The following NBAS variants were observed in gnomAD, a reference collection of about 807,000 sequenced individuals.
NBAS encodes NBAS subunit of NRZ tethering complex.
Under a neutral mutation model 302.5 loss-of-function variants are expected in NBAS, and 219 were observed. That is an observed-to-expected ratio of 0.72 (90% CI 0.65 to 0.81). NBAS has a LOEUF of 0.81. NBAS is among the 30% of genes least tolerant of loss of function. The pLI is 0.00. For synonymous variants in NBAS, 1,118 were observed against 1,021.6 expected (o/e 1.09, Z -1.80); for missense variants, 2,932 against 2,841.6 (o/e 1.03, Z -0.72).
intron 40 of NBAS, among the ~76,000 whole-genome samples, chr2:15,305,685 G>A (rs1356267910): frequency 6.6e-6 from 1 of 152,088 alleles, no homozygotes; most frequent in Non-Finnish European, 1.5e-5. Context: ...GACCTCAAGT[G>A]ATCCACCTGC....
the NBAS span, among the ~76,000 whole-genome samples, chr2:14,852,605 C>A: frequency 7.8e-6 from 1 of 127,390 alleles, no homozygotes; most frequent in East Asian, 2.1e-4. Flanking sequence ...AAAGAGCCCG[C>A]ACCGCCAAGT....
the NBAS span, among the ~76,000 whole-genome samples, chr2:15,135,026 G>C: frequency 6.6e-6 from 1 of 152,112 alleles, no homozygotes; most frequent in Admixed American, 6.5e-5. Flanking sequence ...CCTGAAAAAA[G>C]AAATTTCTTT....
intron 45 of NBAS, among the ~76,000 whole-genome samples, chr2:15,235,983 G>A (rs915665129): frequency 6.6e-6 from 1 of 152,094 alleles, no homozygotes; most frequent in African/African-American, 2.4e-5. Context: ...TTTTTGTACT[G>A]GGTATATAAT....
chr2:14,823,030 C>T, the NBAS span, among the ~76,000 whole-genome samples: 6 of 152,170 alleles, frequency 3.9e-5, no homozygotes, highest in African/African-American at 1.2e-4. Flanking sequence ...TCAACTGTCA[C>T]ATATAGTGTT....
chr2:14,788,546 A>T, the NBAS span, among the ~76,000 whole-genome samples: 1 of 151,992 alleles, frequency 6.6e-6, no homozygotes, highest in African/African-American at 2.4e-5. Context: ...AACAGACAGG[A>T]CCCTCAGCTG....
At chr2:14,854,075 A>T in the NBAS span, among the ~76,000 whole-genome samples, 4 of 148,130 alleles carry the variant, frequency 2.7e-5, no homozygotes, top group Non-Finnish European at 6.0e-5. Flanking sequence ...AGTATAATAA[A>T]AAATAATAAT....
the NBAS span, among the ~76,000 whole-genome samples, chr2:14,802,963 G>A: frequency 6.1e-5 from 9 of 147,768 alleles, no homozygotes; most frequent in African/African-American, 1.8e-4. Flanking sequence ...TGGGTGCAGC[G>A]CACCAGCATG....
At chr2:15,479,183 T>G (rs1680318031) in intron 12 of NBAS, among the ~76,000 whole-genome samples, 1 of 152,038 alleles carries the variant, frequency 6.6e-6, no homozygotes, top group South Asian at 2.1e-4. Context: ...GAGCAGACCC[T>G]GAGAACAGAA....
At chr2:15,543,219 C>G (rs1309067902) in intron 6 of NBAS, among the ~76,000 whole-genome samples, 4 of 152,180 alleles carry the variant, frequency 2.6e-5, no homozygotes, top group African/African-American at 9.7e-5. Context: ...CAAATCTGCC[C>G]GGTTGCCAAG....
chr2:15,476,777 A>G (rs1680212220), intron 13 of NBAS, among the ~76,000 whole-genome samples: 1 of 152,192 alleles, frequency 6.6e-6, no homozygotes, highest in Non-Finnish European at 1.5e-5. Context: ...TCAAAAGGCA[A>G]TGCCATATTT....
chr2:14,790,261 C>T, the NBAS span, among the ~76,000 whole-genome samples: 1 of 152,146 alleles, frequency 6.6e-6, no homozygotes, highest in Non-Finnish European at 1.5e-5. Flanking sequence ...TCTCATTTTC[C>T]ACACTGGTAA....
At chr2:15,137,964 T>C in the NBAS span, among the ~76,000 whole-genome samples, 1 of 152,022 alleles carries the variant, frequency 6.6e-6, no homozygotes, top group African/African-American at 2.4e-5. Context: ...CTTCTACTCA[T>C]CAAGAGCCCG....
At chr2:14,845,358 G>A in the NBAS span, among the ~76,000 whole-genome samples, 4 of 152,220 alleles carry the variant, frequency 2.6e-5, no homozygotes, top group African/African-American at 9.7e-5. Context: ...GGATTGAGAT[G>A]CCTCCTAATA....
the NBAS span, among the ~76,000 whole-genome samples, chr2:14,826,483 T>TA: frequency 6.6e-6 from 1 of 152,194 alleles, no homozygotes; most frequent in Non-Finnish European, 1.5e-5. Flanking sequence ...ATAAATGAGA[T>TA]ACCATGTAGG....
intron 49 of NBAS, among the ~76,000 whole-genome samples, chr2:15,188,658 C>T (rs1665199472): frequency 6.6e-6 from 1 of 152,096 alleles, no homozygotes; most frequent in Admixed American, 6.5e-5. Flanking sequence ...AAGAATACAA[C>T]TTTAAAAATT....
intron 19 of NBAS, among the ~76,000 whole-genome samples, chr2:15,467,052 T>C (rs1000341278): frequency 1.3e-5 from 2 of 151,660 alleles, no homozygotes; most frequent in Non-Finnish European, 2.9e-5. Context: ...AAAATCAAAA[T>C]ATAAAAGTAA....
intron 47 of NBAS, among the ~76,000 whole-genome samples, chr2:15,225,820 G>A (rs1299700752): frequency 6.6e-6 from 1 of 152,094 alleles, no homozygotes; most frequent in Non-Finnish European, 1.5e-5. Flanking sequence ...ACTGGCTCAC[G>A]CTTGTGGGAC....
intron 42 of NBAS, among the ~76,000 whole-genome samples, chr2:15,284,877 G>T (rs1669969829): frequency 6.6e-6 from 1 of 152,144 alleles, no homozygotes; most frequent in Non-Finnish European, 1.5e-5. Context: ...TCCTGCTTTT[G>T]TAATTGCTGT....
At chr2:15,477,770 T>C (rs962644774) in intron 13 of NBAS, among the ~76,000 whole-genome samples, 1 of 152,204 alleles carries the variant, frequency 6.6e-6, no homozygotes, top group African/African-American at 2.4e-5. Flanking sequence ...ATTACTTTTA[T>C]TTAAATGTAA....
Sources: allele counts gnomAD v4.1 joint callset (sites outside exome capture counted in the v4.1 genomes callset), GRCh38; gene constraint gnomAD v4.1.1; transcripts MANE v1.5; gene names NCBI Gene and HGNC (gene_info 2026-07-23, HGNC 2026-07-21).